Variants in FOXP2 observed in about 807,000 individuals in gnomAD.
FOXP2 encodes the protein forkhead box P2.
In FOXP2, 12 loss-of-function variants were observed where a neutral mutation model predicts 115.8. The ratio of observed to expected loss-of-function variants is 0.10; its 90% CI spans 0.07 to 0.17. The LOEUF (loss-of-function observed/expected upper bound fraction) is 0.17, where lower values mean the gene tolerates loss of function less well. Among genes scored for constraint, FOXP2 ranks in the 10% least tolerant of loss-of-function variants. FOXP2 has a pLI of 1.00. For synonymous variants in FOXP2, 328 were observed against 297.7 expected (o/e 1.10, Z -1.05); for missense variants, 629 against 843.5 (o/e 0.75, Z 3.15).
chr7:114,256,537 T>C (rs1028154122), intron 1 of FOXP2, among the ~76,000 whole-genome samples: 2 of 152,250 alleles, frequency 1.3e-5, no homozygotes, highest in African/African-American at 4.8e-5. Context: ...GCCCACTTTT[T>C]AATCGGGTTG....
intron 1 of FOXP2, among the ~76,000 whole-genome samples, chr7:114,244,595 C>A (rs575072790): frequency 6.6e-6 from 1 of 152,280 alleles, no homozygotes; most frequent in South Asian, 2.1e-4. Flanking sequence ...TAGGGCTTTT[C>A]ATACAGATTA....
At chr7:114,367,782 G>A (rs998911532) in intron 2 of FOXP2, among the ~76,000 whole-genome samples, 22 of 152,088 alleles carry the variant, frequency 1.4e-4, no homozygotes, top group African/African-American at 5.3e-4. Context: ...TAAAGTCGTG[G>A]AACATCACCT....
chr7:114,506,224 A>T (rs573357700), intron 2 of FOXP2, among the ~76,000 whole-genome samples: 2 of 151,828 alleles, frequency 1.3e-5, no homozygotes, highest in South Asian at 4.1e-4. Context: ...ACTAATCAAG[A>T]TCAGTTACTT....
chr7:114,612,561 G>A (rs1803692887), intron 3 of FOXP2, among the ~76,000 whole-genome samples: 1 of 151,862 alleles, frequency 6.6e-6, no homozygotes, highest in African/African-American at 2.4e-5. Flanking sequence ...GAATGTTGAA[G>A]GTACAGTCCT....
chr7:114,617,962 C>T (rs1178676831), intron 3 of FOXP2, among the ~76,000 whole-genome samples: 1 of 152,190 alleles, frequency 6.6e-6, no homozygotes, highest in Non-Finnish European at 1.5e-5. Flanking sequence ...CTGCTTTCAC[C>T]TAGAAAAGGC....
chr7:114,381,905 C>T (rs548448879), intron 2 of FOXP2, among the ~76,000 whole-genome samples: 31 of 152,182 alleles, frequency 2.0e-4, no homozygotes, highest in East Asian at 3.9e-4. Context: ...TTGAACAGGA[C>T]GGGCATTCTT....
chr7:114,605,079 C>T (rs560960303), intron 3 of FOXP2, among the ~76,000 whole-genome samples: 22 of 152,220 alleles, frequency 1.4e-4, no homozygotes, highest in Non-Finnish European at 2.8e-4. Context: ...AACAAACCCA[C>T]AGTATGGTTT....
In FOXP2 at chr7:114,601,898, C is replaced by T. The variant is rs1803050212; in HGVS notation, c.259-26642C>T. Among the ~76,000 whole-genome samples, 6 of 151,832 alleles carry T rather than the reference C, an allele frequency of 4.0e-5. 1 individual carries two copies. The South Asian group carries it at 1.2e-3, about 31-fold the overall frequency. On this transcript the variant is annotated intron_variant, in intron 3 of 16. Transcript: ENST00000350908. ...TTATTTTGATACAGTTCCATATATACTAGAAAAAAAGTATATATTTGCCAT... is the reference window on the plus strand; with the variant it reads ...TTATTTTGATACAGTTCCATATATATTAGAAAAAAAGTATATATTTGCCAT...
At chr7:114,586,410 G>A (rs193209229) in intron 3 of FOXP2, among the ~76,000 whole-genome samples, 3 of 152,114 alleles carry the variant, frequency 2.0e-5, no homozygotes, top group African/African-American at 7.2e-5. Context: ...AAGTGTTTTA[G>A]TAATTTTACT....
chr7:114,524,271 A>G (rs1798758314), intron 2 of FOXP2, among the ~76,000 whole-genome samples: 1 of 152,150 alleles, frequency 6.6e-6, no homozygotes, highest in South Asian at 2.1e-4. Context: ...TTCCTTTACA[A>G]TATAAGCTTG....
chr7:114,180,481 T>G (rs1793427796), intron 1 of FOXP2, among the ~76,000 whole-genome samples: 1 of 151,994 alleles, frequency 6.6e-6, no homozygotes, highest in African/African-American at 2.4e-5. Context: ...CTAGCTCATA[T>G]TTCTTCTCTG....
At chr7:114,546,267 A>G (rs1179026094) in intron 3 of FOXP2, among the ~76,000 whole-genome samples, 1 of 152,000 alleles carries the variant, frequency 6.6e-6, no homozygotes. Flanking sequence ...GACTCCAGCC[A>G]TTAAGCCCTT....
At chr7:114,626,541 C>G (rs1804596503) in intron 3 of FOXP2, among the ~76,000 whole-genome samples, 1 of 147,576 alleles carries the variant, frequency 6.8e-6, no homozygotes, top group South Asian at 2.1e-4. Flanking sequence ...ATCTCTCTCT[C>G]TCTCTCTCTC....
chr7:114,515,376 C>T (rs1251943421), intron 2 of FOXP2, among the ~76,000 whole-genome samples: 1 of 150,462 alleles, frequency 6.6e-6, no homozygotes, highest in East Asian at 1.9e-4. Context: ...CTCTCCAGCA[C>T]CTGTTGTTTC....
At chr7:114,526,933 C>T (rs1444776825) in intron 2 of FOXP2, among the ~76,000 whole-genome samples, 1 of 151,612 alleles carries the variant, frequency 6.6e-6, no homozygotes, top group Non-Finnish European at 1.5e-5. Flanking sequence ...AAACCCCATT[C>T]TCATTAGCAG....
chr7:114,294,199 C>G (rs1181800261), intron 2 of FOXP2, among the ~76,000 whole-genome samples: 2 of 152,166 alleles, frequency 1.3e-5, no homozygotes, highest in African/African-American at 4.8e-5. Context: ...GCCCATTGAT[C>G]ATATCAATGT....
intron 2 of FOXP2, among the ~76,000 whole-genome samples, chr7:114,317,725 A>T (rs965952141): frequency 2.6e-5 from 4 of 152,142 alleles, no homozygotes; most frequent in African/African-American, 9.7e-5. Flanking sequence ...TTGCTTCAGG[A>T]TCTACTGCCA....
intron 2 of FOXP2, among the ~76,000 whole-genome samples, chr7:114,483,407 A>G (rs966268315): frequency 6.6e-6 from 1 of 151,618 alleles, no homozygotes; most frequent in Non-Finnish European, 1.5e-5. Flanking sequence ...CTCACAACCA[A>G]TCTCAAGATT....
At chr7:114,549,915 A>G (rs533363553) in intron 3 of FOXP2, among the ~76,000 whole-genome samples, 2 of 152,066 alleles carry the variant, frequency 1.3e-5, no homozygotes, top group Non-Finnish European at 2.9e-5. Flanking sequence ...AGGTTTGTCT[A>G]CCTGTTTTTA....
Sources: gnomAD v4.1 joint callset for allele counts (sites outside exome capture counted in the v4.1 genomes callset) on GRCh38, gnomAD v4.1.1 for gene constraint, MANE v1.5 for transcripts, NCBI Gene and HGNC (gene_info 2026-07-23, HGNC 2026-07-21) for gene names.